Variants in DDX31 observed in about 807,000 individuals in gnomAD.
The protein encoded by DDX31 is DEAD-box helicase 31.
A neutral mutation model predicts 91.3 loss-of-function variants in DDX31; 70 were observed. That is an observed-to-expected ratio of 0.77 (90% CI 0.63 to 0.94). The LOEUF is 0.94. DDX31 is among the 40% of genes least tolerant of loss of function. DDX31 has a pLI of 0.00. For missense variants in DDX31, 902 were observed against 925.0 expected (o/e 0.98, Z 0.32); for synonymous variants, 362 against 350.6 (o/e 1.03, Z -0.36).
At chr9:132,634,746 C>T (rs536308546) in intron 14 of DDX31, among the ~76,000 whole-genome samples, 6 of 151,930 alleles carry the variant, frequency 3.9e-5, no homozygotes, top group Non-Finnish European at 7.4e-5. Context: ...AGGTAAGTTC[C>T]GCCACACCCA....
intron 17 of DDX31, among the ~76,000 whole-genome samples, chr9:132,623,144 C>G (rs1482021188): frequency 6.6e-6 from 1 of 150,406 alleles, no homozygotes; most frequent in East Asian, 2.0e-4. Context: ...AAAAAAAAAG[C>G]CCTTTGGTCC....
At chr9:132,612,295 G>C (rs373679561) in intron 18 of DDX31, 40 bp from the exon 19 acceptor site, 5 of 1,612,300 alleles carry the variant, frequency 3.1e-6, no homozygotes, top group Non-Finnish European at 4.2e-6. Flanking sequence ...TGTCAGGACC[G>C]GGGTCTCCAA....
At position 132,622,475 on chromosome 9, in the gene DDX31, T is replaced by A. The variant is rs1564294553; in HGVS notation, c.1713+3189A>T. Among the ~76,000 whole-genome samples the A allele has an allele frequency of 2.0e-5, 3 of 152,170 alleles. No individual in the cohort carries two copies. The South Asian group carries it at 6.2e-4, about 32-fold the overall frequency. Reference sequence around the variant, plus strand: ...AGGGAGATGCAGCTGCTCCGCTCCTTCTCTGGGGACGTGTCCTTCAGGAGA... The same window carrying A: ...AGGGAGATGCAGCTGCTCCGCTCCTACTCTGGGGACGTGTCCTTCAGGAGA... On this transcript the variant is annotated intron_variant, in intron 17 of 19. Transcript: ENST00000372159.
At chr9:132,669,734 G>T (rs890229056) in intron 1 of DDX31, 126 bp downstream of exon 1, 1 of 1,530,002 alleles carries the variant, frequency 6.5e-7, no homozygotes, top group Non-Finnish European at 8.7e-7. Flanking sequence ...GAAGCTGCCC[G>T]GTGTCTTTCT....
At chr9:132,606,679 G>A (rs763793975) in intron 19 of DDX31, among the ~76,000 whole-genome samples, 1 of 152,134 alleles carries the variant, frequency 6.6e-6, no homozygotes, top group Non-Finnish European at 1.5e-5. Flanking sequence ...GCACAGAGAC[G>A]CTGAGTGACT....
At chr9:132,666,509 A>T (rs1037180015) in intron 1 of DDX31, among the ~76,000 whole-genome samples, 6 of 151,292 alleles carry the variant, frequency 4.0e-5, no homozygotes, top group African/African-American at 1.2e-4. Flanking sequence ...ATTTGTATTA[A>T]TATCAGAAAT....
intron 6 of DDX31, chr9:132,658,374 GGA>G: frequency 1.4e-6 from 1 of 703,142 alleles, no homozygotes; most frequent in Non-Finnish European, 2.6e-6. Context: ...ACACAGTGGG[GGA>G]GAGAGCAGTT....
rs1356161086 is a variant in DDX31, at chr9:132,618,401, G to T, written c.1754C>A (p.Ala585Asp). 6.2e-7 allele frequency: 1 copy of T among 1,612,050 alleles called. No homozygotes were observed. The highest frequency in any genetic ancestry group is 1.7e-5 in the Admixed American group (1 of 59,612). The change falls in exon 18 of 20, where the codon GCC (alanine) becomes GAC (aspartate). Residue 585 changes from alanine to aspartate, a missense_variant. Transcript: ENST00000372159. ...TTCAAATACCGTCTGCAAGACTGTG[G>T]CTCGCTCTCGGATTTCCTGGGGGCC... is the stretch of plus-strand genomic sequence containing the variant. ...AVGPQEIRER[A>D]TVLQTVFEDY...
At chr9:132,600,284 T>C (rs925815455) in intron 19 of DDX31, among the ~76,000 whole-genome samples, 3 of 152,234 alleles carry the variant, frequency 2.0e-5, no homozygotes, top group African/African-American at 7.2e-5. Context: ...TTCTTTGTGA[T>C]TTCTTAGGAT....
rs1048427451 is a variant in DDX31, at chr9:132,595,921, T to C, written c.1995-809A>G. 1.3e-5 allele frequency among the ~76,000 whole-genome samples: 2 copies of C among 152,234 alleles called. No individual in the cohort carries two copies. The highest frequency in any genetic ancestry group is 2.9e-5 in the Non-Finnish European group (2 of 68,040). On this transcript the variant is annotated intron_variant, in intron 19 of 19. Coordinates refer to ENST00000372159, the MANE Select transcript of DDX31 (RefSeq NM_022779.9). This position sits in a 1 kb window ranked among gnomAD's most constrained non-coding sequence, Gnocchi z 4.6. ...TCGGAAGATCAGAGGAGGAAATTTG[T>C]AGATGTTCAATCATACATAAGAAGA...
rs562317964 is a variant in DDX31, at chr9:132,642,915, C to G, written c.1381-852G>C. 2.0e-5 allele frequency among the ~76,000 whole-genome samples: 3 copies of G among 152,044 alleles called. No individual in the cohort carries two copies. The East Asian group carries it at 5.8e-4, about 29-fold the overall frequency. Reference sequence around the variant, plus strand: ...TCTCAGCTCACTATAACCTCCACCTCCCGGGCTCAAGTGATCCTCCCACCT... The same window carrying G: ...TCTCAGCTCACTATAACCTCCACCTGCCGGGCTCAAGTGATCCTCCCACCT... On this transcript the variant is annotated intron_variant, in intron 13 of 19. Coordinates refer to ENST00000372159, the MANE Select transcript of DDX31 (RefSeq NM_022779.9).
chr9:132,660,330 C>T (rs1040882608), intron 4 of DDX31, among the ~76,000 whole-genome samples: 17 of 144,816 alleles, frequency 1.2e-4, no homozygotes, highest in Non-Finnish European at 2.3e-4. Context: ...AGCAAAACTC[C>T]GTCTCAAAAA....
intron 9 of DDX31, 118 bp downstream of exon 9, chr9:132,650,116 G>T: frequency 2.1e-6 from 2 of 959,578 alleles, no homozygotes; most frequent in Non-Finnish European, 1.7e-6. Flanking sequence ...TGTGCACCGG[G>T]ACTAGGAAGC....
Position 132,662,688 on chromosome 9 carries a change from T to C in DDX31, c.83A>G (p.Lys28Arg), listed in dbSNP as rs762712338. 2.5e-6 allele frequency: 4 copies of C among 1,614,096 alleles called. No individual in the cohort carries two copies. The East Asian group carries it at 6.7e-5, about 27-fold the overall frequency. Reference sequence around the variant, plus strand: ...CGCTTGGTATTTTCTTTTCGTAGCCTTTGCTTGCTGCGTTGTTCCCAGAAG... The same window carrying C: ...CGCTTGGTATTTTCTTTTCGTAGCCCTTGCTTGCTGCGTTGTTCCCAGAAG... Reference protein sequence around the residue: ...RPPAQASRQAKATKRKYQASS... With the variant: ...RPPAQASRQARATKRKYQASS... Residue 28 changes from lysine (K) to arginine (R), a missense_variant, in exon 2 of 20, where the codon AAG becomes AGG. Transcript: ENST00000372159.
At chr9:132,611,641 T>C (rs892182962) in intron 19 of DDX31, among the ~76,000 whole-genome samples, 1 of 152,102 alleles carries the variant, frequency 6.6e-6, no homozygotes, top group Non-Finnish European at 1.5e-5. Flanking sequence ...CGCTCACCAC[T>C]GGAGGTGCAA....
At chr9:132,599,904 G>A (rs1000188293) in intron 19 of DDX31, among the ~76,000 whole-genome samples, 3 of 152,248 alleles carry the variant, frequency 2.0e-5, no homozygotes, top group Middle Eastern at 3.2e-3. Flanking sequence ...GCAGGAGACC[G>A]TGAGGACTTC....
At chr9:132,598,289 C>G (rs1355278854) in intron 19 of DDX31, among the ~76,000 whole-genome samples, 1 of 152,210 alleles carries the variant, frequency 6.6e-6, no homozygotes, top group African/African-American at 2.4e-5. Flanking sequence ...GCGATGGGCA[C>G]TCAATTTCTC....
intron 14 of DDX31, among the ~76,000 whole-genome samples, chr9:132,633,010 T>G (rs961897251): frequency 6.6e-6 from 1 of 152,134 alleles, no homozygotes; most frequent in Non-Finnish European, 1.5e-5. Context: ...CAGCCAACAT[T>G]TACTGAACAC....
chr9:132,623,429 G>A (rs555770961), intron 17 of DDX31, among the ~76,000 whole-genome samples: 58 of 151,070 alleles, frequency 3.8e-4, no homozygotes, highest in African/African-American at 1.3e-3. Flanking sequence ...GGTGGCATGC[G>A]CCTGTATTCC....
Sources: gnomAD v4.1 joint callset for allele counts (sites outside exome capture counted in the v4.1 genomes callset) on GRCh38, gnomAD v4.1.1 for gene constraint, Gnocchi (gnomAD v3.1) non-coding constraint, MANE v1.5 for transcripts, NCBI Gene and HGNC (gene_info 2026-07-23, HGNC 2026-07-21) for gene names.